Variants in ATXN1 observed in about 807,000 individuals in gnomAD.
ATXN1 encodes ataxin-1.
Under a neutral mutation model 56.4 loss-of-function variants are expected in ATXN1, and 8 were observed. The ratio of observed to expected loss-of-function variants is 0.14; its 90% CI spans 0.08 to 0.26. The LOEUF (loss-of-function observed/expected upper bound fraction) is 0.26, where lower values mean the gene tolerates loss of function less well. Ranked by LOEUF, ATXN1 falls within the 10% of genes least tolerant of loss-of-function variation. The pLI is 1.00. For missense variants in ATXN1, 987 were observed against 1,106.5 expected (o/e 0.89, Z 1.53); for synonymous variants, 514 against 494.6 (o/e 1.04, Z -0.52).
chr6:16,374,911 T>A (rs1762113262), intron 6 of ATXN1, among the ~76,000 whole-genome samples: 1 of 152,246 alleles, frequency 6.6e-6, no homozygotes, highest in South Asian at 2.1e-4. Context: ...AGCCCCTGAA[T>A]ATGTCTAATT....
intron 3 of ATXN1, among the ~76,000 whole-genome samples, chr6:16,627,836 G>A (rs1414601966): frequency 2.0e-5 from 3 of 152,162 alleles, no homozygotes; most frequent in African/African-American, 7.2e-5. Flanking sequence ...CTCTAAGGGG[G>A]AGGTCAACTT....
At chr6:16,365,895 G>A (rs1440420218) in intron 6 of ATXN1, among the ~76,000 whole-genome samples, 2 of 152,106 alleles carry the variant, frequency 1.3e-5, no homozygotes, top group African/African-American at 4.8e-5. Flanking sequence ...TTACATGCCT[G>A]CCTGTAATGG....
chr6:16,496,554 A>G (rs1193815483), intron 5 of ATXN1, among the ~76,000 whole-genome samples: 1 of 152,176 alleles, frequency 6.6e-6, no homozygotes, highest in Non-Finnish European at 1.5e-5. Context: ...GTCACACTGC[A>G]TCATGAAGGA....
At chr6:16,399,878 T>C (rs1758533012) in intron 6 of ATXN1, among the ~76,000 whole-genome samples, 1 of 152,194 alleles carries the variant, frequency 6.6e-6, no homozygotes, top group South Asian at 2.1e-4. Flanking sequence ...AAAGATCAGC[T>C]GCAGCCAGAG....
chr6:16,652,565 C>T (rs1287355508), intron 3 of ATXN1, among the ~76,000 whole-genome samples: 6 of 152,148 alleles, frequency 3.9e-5, no homozygotes, highest in African/African-American at 1.4e-4. Flanking sequence ...TTTTAAAAAT[C>T]TCGCCCCTCA....
chr6:16,551,338 C>G (rs1176976049), intron 4 of ATXN1, among the ~76,000 whole-genome samples: 1 of 152,180 alleles, frequency 6.6e-6, no homozygotes, highest in Non-Finnish European at 1.5e-5. Flanking sequence ...ATGACAGGCC[C>G]CAACATTCCC....
chr6:16,324,042 C>G (rs1760746641), intron 7 of ATXN1, among the ~76,000 whole-genome samples: 1 of 152,072 alleles, frequency 6.6e-6, no homozygotes, highest in African/African-American at 2.4e-5. Context: ...GGGCTAAAAG[C>G]TCTCGGCAAT....
At chr6:16,588,237 C>T (rs9477179) in intron 3 of ATXN1, among the ~76,000 whole-genome samples, 17,516 of 152,108 alleles carry the variant, frequency 0.12, 2,150 homozygotes, top group African/African-American at 0.31. Flanking sequence ...CACGTCTCCC[C>T]GCGTCCACCC....
intron 6 of ATXN1, among the ~76,000 whole-genome samples, chr6:16,330,169 G>C (rs554439409): frequency 6.6e-6 from 1 of 151,848 alleles, no homozygotes; most frequent in East Asian, 1.9e-4. Flanking sequence ...TCCTTCCTTG[G>C]CCTCCCAAAG....
chr6:16,599,382 C>T (rs907855339), intron 3 of ATXN1, among the ~76,000 whole-genome samples: 1 of 151,974 alleles, frequency 6.6e-6, no homozygotes, highest in Non-Finnish European at 1.5e-5. Context: ...ATAAACCCTC[C>T]AAAGATTTCC....
chr6:16,369,601 T>C (rs1761998818), intron 6 of ATXN1, among the ~76,000 whole-genome samples: 1 of 152,248 alleles, frequency 6.6e-6, no homozygotes, highest in Non-Finnish European at 1.5e-5. Context: ...TCTTGGCTCC[T>C]GGTAAGCACT....
At chr6:16,359,384 G>A (rs1489191564) in intron 6 of ATXN1, among the ~76,000 whole-genome samples, 1 of 152,162 alleles carries the variant, frequency 6.6e-6, no homozygotes, top group Non-Finnish European at 1.5e-5. Flanking sequence ...CTTAGCCACA[G>A]CAGGCAGGAG....
At chr6:16,307,163 C>T (rs1315324324) in intron 7 of ATXN1, among the ~76,000 whole-genome samples, 4 of 152,234 alleles carry the variant, frequency 2.6e-5, no homozygotes, top group East Asian at 1.9e-4. Context: ...ACCAGTCAAT[C>T]GAACCCCAGT....
chr6:16,691,747 A>G (rs1254983186), intron 2 of ATXN1, among the ~76,000 whole-genome samples: 1 of 152,258 alleles, frequency 6.6e-6, no homozygotes, highest in Non-Finnish European at 1.5e-5. Flanking sequence ...AGACAGAACA[A>G]AAGTGGTCAC....
intron 2 of ATXN1, among the ~76,000 whole-genome samples, chr6:16,728,124 C>A (rs984488534): frequency 1.3e-5 from 2 of 152,186 alleles, no homozygotes; most frequent in Non-Finnish European, 2.9e-5. Flanking sequence ...AGGTCCCTTC[C>A]CTCCCTGCTC....
chr6:16,685,409 G>T (rs961652251), intron 2 of ATXN1, among the ~76,000 whole-genome samples: 1 of 152,112 alleles, frequency 6.6e-6, no homozygotes, highest in South Asian at 2.1e-4. Context: ...TGAGTAACTA[G>T]TGAGGGCATC....
intron 3 of ATXN1, among the ~76,000 whole-genome samples, chr6:16,603,797 G>A (rs1223041553): frequency 1.3e-5 from 2 of 152,160 alleles, no homozygotes; most frequent in African/African-American, 4.8e-5. Flanking sequence ...CCTGGTGGCT[G>A]TGGGGTACAG....
At chr6:16,638,017 G>A (rs1281074940) in intron 3 of ATXN1, among the ~76,000 whole-genome samples, 1 of 152,190 alleles carries the variant, frequency 6.6e-6, no homozygotes, top group Non-Finnish European at 1.5e-5. Flanking sequence ...AAATAAATAT[G>A]TTTTAATTAA....
intron 3 of ATXN1, chr6:16,652,079 C>T (rs1763904529): frequency 6.6e-6 from 1 of 152,178 alleles, no homozygotes; most frequent in Admixed American, 6.5e-5. Flanking sequence ...CTATACAAAA[C>T]CACACAGCTT....
Sources: allele counts gnomAD v4.1 joint callset (sites outside exome capture counted in the v4.1 genomes callset), GRCh38; gene constraint gnomAD v4.1.1; transcripts MANE v1.5; gene names NCBI Gene and HGNC (gene_info 2026-07-23, HGNC 2026-07-21).